Variants in TNK2 observed in about 807,000 individuals in gnomAD.
The protein encoded by TNK2 is activated CDC42 kinase 1.
In TNK2, 83 loss-of-function variants were observed where a neutral mutation model predicts 101.8. The ratio of observed to expected loss-of-function variants is 0.82; its 90% confidence interval spans 0.68 to 0.98. The LOEUF (loss-of-function observed/expected upper bound fraction) is 0.98. Ranked by LOEUF, TNK2 falls within the 50% of genes least tolerant of loss-of-function variation. The pLI is 0.00. For synonymous variants in TNK2, 804 were observed against 633.0 expected, an observed-to-expected ratio of 1.27 and a Z score of -4.06; for missense variants, 1,665 against 1,483.2, an observed-to-expected ratio of 1.12 and a Z score of -2.01.
chr3:195,869,854 G>A (rs114974453), intron 11 of TNK2: 6 of 557,346 alleles, frequency 1.1e-5, no homozygotes, highest in African/African-American at 1.9e-5. Flanking sequence ...ATCTGAGCTC[G>A]GCCGTGGAAG....
chr3:195,874,039 C>T (rs1162404708), intron 9 of TNK2, among the ~76,000 whole-genome samples: 1 of 152,192 alleles, frequency 6.6e-6, no homozygotes, highest in African/African-American at 2.4e-5. Context: ...CCCCGGCTCC[C>T]CAGCACGCAC....
intron 1 of TNK2, among the ~76,000 whole-genome samples, chr3:195,907,087 T>C (rs62283337): frequency 1.3e-5 from 2 of 152,206 alleles, no homozygotes; most frequent in African/African-American, 2.4e-5. Flanking sequence ...CTTTCTCCCA[T>C]TCATCTACCA....
Position 195,885,096 on chromosome 3 carries a change from A to AC in TNK2, c.235-64dup. ...ACCCCAGGGTCAGTCACTCAGTCCC[A>AC]CCCCGCTGGGTCCACCTGGTGATCC... is the stretch of plus-strand genomic sequence containing the variant. On this transcript the variant is annotated intron_variant, in intron 3 of 15. Coordinates refer to ENST00000672887, the MANE Select transcript of TNK2 (RefSeq NM_001382273.1). The surrounding 1 kb of genome is among the most constrained non-coding windows in gnomAD (Gnocchi z 4.7). 1 of 1,467,080 alleles carries AC rather than the reference A, an allele frequency of 6.8e-7. No individual in the cohort carries two copies. The highest frequency in any genetic ancestry group is 9.2e-7 in the Non-Finnish European group (1 of 1,090,940). 90.9% of individuals were successfully genotyped at this position (1,467,080 alleles called of 1,614,324 possible).
In TNK2 at chr3:195,888,715, T is replaced by A; in HGVS notation, c.-18-109A>T. 1.9e-6 allele frequency: 2 copies of A among 1,041,542 alleles called. No individual in the cohort carries two copies. The highest frequency in any genetic ancestry group is 2.7e-6 in the Non-Finnish European group (2 of 739,866). The allele number at this position is 1,041,542 out of a possible 1,614,324, so 64.5% of individuals were successfully genotyped here. ...CCACTACACGGCCACCCGGAAGGGC[T>A]CACACCACCTTCTGACTCCCGAGGG... is the stretch of plus-strand genomic sequence containing the variant. On this transcript the variant is annotated intron_variant, in intron 1 of 15. Transcript: ENST00000672887. The surrounding 1 kb of genome is among the most constrained non-coding windows in gnomAD (Gnocchi z 5.3).
At chr3:195,873,769 C>A (rs917736659) in intron 9 of TNK2, among the ~76,000 whole-genome samples, 63 of 152,224 alleles carry the variant, frequency 4.1e-4, no homozygotes, top group Admixed American at 1.9e-3. Flanking sequence ...GACTCCGGAA[C>A]AGCCCATCCC....
At chr3:195,905,108 T>G (rs1428416833) in intron 1 of TNK2, among the ~76,000 whole-genome samples, 3 of 152,246 alleles carry the variant, frequency 2.0e-5, no homozygotes, top group African/African-American at 7.2e-5. Flanking sequence ...AAACCCACAG[T>G]AATCAAGATA....
intron 1 of TNK2, among the ~76,000 whole-genome samples, chr3:195,903,097 G>C (rs946600033): frequency 1.0e-4 from 15 of 149,312 alleles, no homozygotes; most frequent in Admixed American, 9.4e-4. Context: ...TCGGAATGCA[G>C]TGGCGCCATC....
At position 195,863,531 on chromosome 3, in the gene TNK2, C is replaced by G. The variant is rs1190204052; in HGVS notation, c.*650G>C. Reference sequence around the variant, plus strand: ...AGGGCGGCTGCCCCTTGGTCTCCTTCCAGCCCTGGGGCCTTGGGCCCTGGT... The same window carrying G: ...AGGGCGGCTGCCCCTTGGTCTCCTTGCAGCCCTGGGGCCTTGGGCCCTGGT... On this transcript the variant is annotated 3_prime_UTR_variant, in exon 16 of 16. Coordinates refer to ENST00000672887, the MANE Select transcript of TNK2 (RefSeq NM_001382273.1). The G allele has an allele frequency of 6.5e-6, 1 of 152,714 alleles. No homozygotes were observed. The highest frequency in any genetic ancestry group is 2.4e-5 in the African/African-American group (1 of 41,444). 9.5% of individuals were successfully genotyped at this position (152,714 alleles called of 1,614,324 possible).
In TNK2 at chr3:195,868,291, G is replaced by T; in HGVS notation, c.2007C>A (p.Leu669=). ...DFEICSINST[L]VGAGVPAGPS... Reference sequence around the variant, plus strand: ...GCCCGGCAGGGACCCCCGCGCCCACGAGGGTGCTGTTGATGGAGCAGATCT... The same window carrying T: ...GCCCGGCAGGGACCCCCGCGCCCACTAGGGTGCTGTTGATGGAGCAGATCT... Residue 669 remains leucine, a synonymous_variant, in exon 13 of 16, where the codon CTC becomes CTA. Transcript: ENST00000672887. 1 of 1,603,896 alleles carries T rather than the reference G, an allele frequency of 6.2e-7. No individual in the cohort carries two copies. The highest frequency in any genetic ancestry group is 8.5e-7 in the Non-Finnish European group (1 of 1,179,544).
At chr3:195,887,406 G>A (rs1486501094) in intron 2 of TNK2, among the ~76,000 whole-genome samples, 1 of 152,162 alleles carries the variant, frequency 6.6e-6, no homozygotes, top group Non-Finnish European at 1.5e-5. Flanking sequence ...CAGGCCTAAA[G>A]TAGCATAAAT....
At chr3:195,881,879 G>C (rs1371802793) in intron 6 of TNK2, among the ~76,000 whole-genome samples, 172 bp downstream of exon 6, 1 of 152,160 alleles carries the variant, frequency 6.6e-6, no homozygotes, top group Non-Finnish European at 1.5e-5. Context: ...GGGCCCTCAA[G>C]AATTCCTAGA....
At chr3:195,887,440 T>C (rs1756184295) in intron 2 of TNK2, among the ~76,000 whole-genome samples, 1 of 152,272 alleles carries the variant, frequency 6.6e-6, no homozygotes, top group South Asian at 2.1e-4. Flanking sequence ...AGCACATTAC[T>C]ACCTATTTAG....
At position 195,868,286 on chromosome 3, in the gene TNK2, C is replaced by T. The variant is rs2149233088; in HGVS notation, c.2012G>A (p.Gly671Asp). ...GCTGGGCCCGGCAGGGACCCCCGCGCCCACGAGGGTGCTGTTGATGGAGCA... is the reference window on the plus strand; with the variant it reads ...GCTGGGCCCGGCAGGGACCCCCGCGTCCACGAGGGTGCTGTTGATGGAGCA... ...EICSINSTLV[G>D]AGVPAGPSQG... The change falls in exon 13 of 16, where the codon GGC becomes GAC. Residue 671 changes from glycine (G) to aspartate (D), a missense_variant. Physicochemically the swap from Gly to Asp is moderately conservative, Grantham distance 94. Coordinates refer to ENST00000672887, the MANE Select transcript of TNK2 (RefSeq NM_001382273.1). 2 of 1,603,970 alleles carry T rather than the reference C, an allele frequency of 1.2e-6. No homozygotes were observed. Among genetic ancestry groups the T allele is most frequent in the Non-Finnish European group, 1.7e-6 (2 of 1,179,546 alleles).
intron 2 of TNK2, 21 bp from the exon 3 acceptor site, chr3:195,887,068 C>G: frequency 6.2e-7 from 1 of 1,602,608 alleles, no homozygotes. Context: ...AGCGGGGAAC[C>G]GCGTGCTGTG....
In TNK2 at chr3:195,868,002, G is replaced by A. The variant is rs377360010; in HGVS notation, c.2296C>T (p.Arg766Cys). 3.8e-4 allele frequency: 599 copies of A among 1,568,504 alleles called. 4 individuals are homozygous for A. The highest frequency in any genetic ancestry group is 3.4e-3 in the Middle Eastern group (20 of 5,948). The change falls in exon 13 of 16, where the codon CGC becomes TGC. Residue 766 changes from arginine to cysteine, a missense_variant. Physicochemically the swap from Arg to Cys is radical, Grantham distance 180. Coordinates refer to ENST00000672887, the MANE Select transcript of TNK2 (RefSeq NM_001382273.1). ...GCTGGAGACAGCTGGACGTGTGGGC[G>A]CGTGGGCCGAGGGGGGATGGGTACC... The part of the protein sequence containing the change: ...PRVPIPPRPT[R>C]PHVQLSPAPP...
At chr3:195,884,609 A>T in intron 4 of TNK2, 1 of 539,992 alleles carries the variant, frequency 1.9e-6, no homozygotes, top group Non-Finnish European at 3.2e-6. Context: ...TGCCTACTGC[A>T]CTCCAGCCTG....
chr3:195,878,216 G>A lies in TNK2; in HGVS notation c.1256+37C>T. On this transcript the variant is annotated intron_variant, in intron 9 of 15. Coordinates refer to ENST00000672887, the MANE Select transcript of TNK2 (RefSeq NM_001382273.1). This position sits in a 1 kb window ranked among gnomAD's most constrained non-coding sequence, Gnocchi z 4.7. ...GGTCCCTCCGACCTGTGCCCTTCAAGCGATCCCAGGGCGGGGCCCAGCCCT... is the reference window on the plus strand; with the variant it reads ...GGTCCCTCCGACCTGTGCCCTTCAAACGATCCCAGGGCGGGGCCCAGCCCT... The A allele has an allele frequency of 6.2e-7, 1 of 1,605,088 alleles. No homozygotes were observed. Among genetic ancestry groups the A allele is most frequent in the Non-Finnish European group, 8.5e-7 (1 of 1,172,060 alleles).
At chr3:195,881,693 CCCG>C (rs1254030487) in intron 6 of TNK2, among the ~76,000 whole-genome samples, 9 of 133,052 alleles carry the variant, frequency 6.8e-5, no homozygotes, top group African/African-American at 1.7e-4. Context: ...ATAACACCCC[CCCG>C]CCAGCAATGC....
chr3:195,864,940 C>G (rs1425375227), intron 15 of TNK2, among the ~76,000 whole-genome samples: 6 of 109,654 alleles, frequency 5.5e-5, no homozygotes, highest in East Asian at 2.7e-4. Context: ...ACAGGTGACA[C>G]GGAGTGCCTG....
Sources: gnomAD v4.1 joint callset for allele counts (sites outside exome capture counted in the v4.1 genomes callset) on GRCh38, gnomAD v4.1.1 for gene constraint, Gnocchi (gnomAD v3.1) non-coding constraint, MANE v1.5 for transcripts, NCBI Gene and HGNC (gene_info 2026-07-23, HGNC 2026-07-21) for gene names.